The following LRRC28 variants were observed in gnomAD, a reference collection of about 807,000 sequenced individuals.
The protein encoded by LRRC28 is leucine rich repeat containing 28.
In LRRC28, 39 loss-of-function variants were observed where a neutral mutation model predicts 45.7. The observed-to-expected ratio is 0.85, with a 90% CI of 0.66 to 1.12. The LOEUF (loss-of-function observed/expected upper bound fraction) is 1.12. Among genes scored for constraint, LRRC28 ranks in the 50% most tolerant of loss-of-function variants. The probability of loss-of-function intolerance (pLI) is 0.00; values close to 1 mark genes in which losing one functional copy is unlikely to be tolerated. For missense variants in LRRC28, 435 were observed against 438.5 expected, an observed-to-expected ratio of 0.99 and a Z score of 0.07; for synonymous variants, 206 against 178.8, an observed-to-expected ratio of 1.15 and a Z score of -1.22.
intron 5 of LRRC28, among the ~76,000 whole-genome samples, chr15:99,290,104 A>G (rs2152216572): frequency 6.6e-6 from 1 of 151,972 alleles, no homozygotes; most frequent in Non-Finnish European, 1.5e-5. Context: ...CTAAAAATAC[A>G]AAAATTAGCC....
chr15:99,303,047 A>G (rs1955041461), intron 5 of LRRC28, among the ~76,000 whole-genome samples: 1 of 152,184 alleles, frequency 6.6e-6, no homozygotes, highest in South Asian at 2.1e-4. Flanking sequence ...TGTATTTTTA[A>G]CTTTGAAAGA....
intron 5 of LRRC28, among the ~76,000 whole-genome samples, chr15:99,318,315 C>T (rs189308570): frequency 1.5e-3 from 233 of 152,132 alleles, no homozygotes; most frequent in African/African-American, 5.4e-3. Flanking sequence ...TGTGATAATT[C>T]TTAGCTAAAG....
In LRRC28 at chr15:99,386,233, C is replaced by CTAAA. The variant is rs1957986274; in HGVS notation, c.*132_*133insAAAT. 2.8e-6 allele frequency: 2 copies of CTAAA among 724,364 alleles called. No homozygotes were observed. The allele number at this position is 724,364 out of a possible 1,614,324, so 44.9% of individuals were successfully genotyped here. On this transcript the variant is annotated 3_prime_UTR_variant, in exon 10 of 10. Coordinates refer to ENST00000301981, the MANE Select transcript of LRRC28 (RefSeq NM_144598.5). ...ACTCTCTAGAAATGTCATGATTGAGCTTCAGAGCTAAAATGCCTTCACCCT... is the reference window on the plus strand; with the variant it reads ...ACTCTCTAGAAATGTCATGATTGAGCTAAATTCAGAGCTAAAATGCCTTCACCCT...
chr15:99,358,592 T>C (rs1957111156), intron 7 of LRRC28, among the ~76,000 whole-genome samples: 1 of 152,150 alleles, frequency 6.6e-6, no homozygotes, highest in African/African-American at 2.4e-5. Flanking sequence ...GATACATCAC[T>C]GAAACAGACT....
intron 5 of LRRC28, among the ~76,000 whole-genome samples, chr15:99,295,765 G>A (rs1386277652): frequency 2.0e-5 from 3 of 152,340 alleles, no homozygotes; most frequent in Admixed American, 2.0e-4. Context: ...GCATGAATCT[G>A]TTGTGTTTTA....
At chr15:99,290,126 CATT>C (rs1567631322) in intron 5 of LRRC28, among the ~76,000 whole-genome samples, 14 of 151,330 alleles carry the variant, frequency 9.3e-5, no homozygotes, top group Admixed American at 7.9e-4. Flanking sequence ...GGTGTGGTGG[CATT>C]GTGCCTATAG....
intron 2 of LRRC28, among the ~76,000 whole-genome samples, chr15:99,268,253 TA>T: frequency 6.6e-6 from 1 of 152,352 alleles, no homozygotes; most frequent in East Asian, 1.9e-4. Flanking sequence ...TTCCTGTGAA[TA>T]AAAGTCTAGC....
chr15:99,289,682 C>T (rs913603883), intron 5 of LRRC28, among the ~76,000 whole-genome samples: 1 of 151,894 alleles, frequency 6.6e-6, no homozygotes, highest in Admixed American at 6.6e-5. Flanking sequence ...GCCTGTAATC[C>T]CAGCACTTTG....
At chr15:99,322,721 G>T (rs1324702262) in intron 5 of LRRC28, among the ~76,000 whole-genome samples, 1 of 152,166 alleles carries the variant, frequency 6.6e-6, no homozygotes, top group Non-Finnish European at 1.5e-5. Context: ...TCACATTCTA[G>T]TTTATTCTTT....
chr15:99,277,244 C>G (rs2081642529), intron 3 of LRRC28, among the ~76,000 whole-genome samples: 1 of 152,008 alleles, frequency 6.6e-6, no homozygotes, highest in Admixed American at 6.6e-5. Flanking sequence ...GCACGATTTT[C>G]AAGAGGTCAA....
chr15:99,312,054 A>G (rs911785349), intron 5 of LRRC28, among the ~76,000 whole-genome samples: 1 of 152,186 alleles, frequency 6.6e-6, no homozygotes, highest in Admixed American at 6.5e-5. Flanking sequence ...AATTATAGCT[A>G]AAAAATTAAT....
chr15:99,306,240 CTG>C (rs1378601944), intron 5 of LRRC28, among the ~76,000 whole-genome samples: 3 of 152,170 alleles, frequency 2.0e-5, no homozygotes, highest in East Asian at 1.9e-4. Context: ...AGAAATAAAA[CTG>C]TGCACGACTG....
chr15:99,374,633 T>C (rs1202345140), intron 9 of LRRC28, among the ~76,000 whole-genome samples: 1 of 152,188 alleles, frequency 6.6e-6, no homozygotes, highest in Non-Finnish European at 1.5e-5. Flanking sequence ...TTGAGTACTA[T>C]GCTGACTAAG....
intron 5 of LRRC28, among the ~76,000 whole-genome samples, chr15:99,309,799 G>A (rs1955336274): frequency 6.6e-6 from 1 of 152,170 alleles, no homozygotes; most frequent in Admixed American, 6.5e-5. Context: ...AGATAATTCA[G>A]ACCAACCCTC....
intron 5 of LRRC28, among the ~76,000 whole-genome samples, chr15:99,309,738 C>G (rs1047823189): frequency 1.3e-5 from 2 of 152,158 alleles, no homozygotes; most frequent in African/African-American, 4.8e-5. Flanking sequence ...TTTGGGTGCT[C>G]TCTTCCACAA....
intron 5 of LRRC28, chr15:99,333,705 T>C: frequency 1.7e-6 from 1 of 587,796 alleles, no homozygotes; most frequent in Non-Finnish European, 3.0e-6. Flanking sequence ...TACCCAGCCC[T>C]TTTCTCCATT....
intron 3 of LRRC28, among the ~76,000 whole-genome samples, chr15:99,277,836 G>A (rs1012317917): frequency 3.9e-5 from 6 of 151,964 alleles, no homozygotes; most frequent in African/African-American, 1.4e-4. Flanking sequence ...CATCTTTTTA[G>A]TCTACTTTTG....
intron 5 of LRRC28, among the ~76,000 whole-genome samples, chr15:99,293,628 A>AAAAAAAAAAAC (rs1567635396): frequency 3.5e-5 from 5 of 142,256 alleles, no homozygotes; most frequent in Admixed American, 7.1e-5. Context: ...AAAAAAAAAA[A>AAAAAAAAAAAC]AAAAACCTAA....
At chr15:99,342,478 A>G (rs1316409626) in intron 6 of LRRC28, among the ~76,000 whole-genome samples, 2 of 152,228 alleles carry the variant, frequency 1.3e-5, no homozygotes, top group Non-Finnish European at 2.9e-5. Context: ...AAAGGGTAAT[A>G]TTAGCACCTA....
Sources: allele counts gnomAD v4.1 joint callset (sites outside exome capture counted in the v4.1 genomes callset), GRCh38; gene constraint gnomAD v4.1.1; transcripts MANE v1.5; gene names NCBI Gene and HGNC (gene_info 2026-07-23, HGNC 2026-07-21).